Variants in KDM2A observed in about 807,000 individuals in gnomAD.
KDM2A encodes lysine demethylase 2A, also known as lysine-specific demethylase 2A.
Under a neutral mutation model 137.3 loss-of-function variants are expected in KDM2A, and 3 were observed. The observed-to-expected ratio is 0.02, with a 90% CI of 0.01 to 0.06. The LOEUF (loss-of-function observed/expected upper bound fraction) is 0.06. Among genes scored for constraint, KDM2A ranks in the 10% least tolerant of loss-of-function variants. The probability of loss-of-function intolerance (pLI) is 1.00; values close to 1 mark genes in which losing one functional copy is unlikely to be tolerated. For missense variants in KDM2A, 738 were observed against 1,510.6 expected, an observed-to-expected ratio of 0.49 and a Z score of 8.48; for synonymous variants, 512 against 541.5, an observed-to-expected ratio of 0.95 and a Z score of 0.76.
intron 5 of KDM2A, among the ~76,000 whole-genome samples, chr11:67,205,615 A>G (rs1056718833): frequency 6.6e-6 from 1 of 151,154 alleles, no homozygotes; most frequent in African/African-American, 2.4e-5. Flanking sequence ...TTGTATTTGT[A>G]TTTTTTTGTT....
At chr11:67,159,603 C>T (rs1856592187) in intron 2 of KDM2A, among the ~76,000 whole-genome samples, 1 of 152,106 alleles carries the variant, frequency 6.6e-6, no homozygotes, top group South Asian at 2.1e-4. Flanking sequence ...GCAGATTTTC[C>T]CATTGTAATG....
At chr11:67,160,726 G>A (rs1039625393) in intron 2 of KDM2A, among the ~76,000 whole-genome samples, 26 of 152,084 alleles carry the variant, frequency 1.7e-4, no homozygotes, top group Non-Finnish European at 1.5e-5. Flanking sequence ...AGCCAAGATA[G>A]TGCCATTGCA....
In KDM2A at chr11:67,229,943, G is replaced by A. The variant is rs188978015; in HGVS notation, c.1085-1623G>A. Among the ~76,000 whole-genome samples, 49 of 151,998 alleles carry A rather than the reference G, an allele frequency of 3.2e-4. No individual in the cohort carries two copies. The East Asian group carries it at 5.8e-3, about 18-fold the overall frequency. ...TGTAATCCCAGCACTTTGGGAGGCC[G>A]AGGAGGGCCAATCACGAGGTCAGGA... is the stretch of plus-strand genomic sequence containing the variant. On this transcript the variant is annotated intron_variant, in intron 11 of 20. Coordinates refer to ENST00000529006, the MANE Select transcript of KDM2A (RefSeq NM_012308.3).
chr11:67,181,553 G>A, intron 4 of KDM2A, among the ~76,000 whole-genome samples, 155 bp downstream of exon 4: 1 of 150,492 alleles, frequency 6.6e-6, no homozygotes. Flanking sequence ...TGATACACAA[G>A]TGTTTCATAT....
At chr11:67,220,101 C>T (rs899392065) in intron 10 of KDM2A, among the ~76,000 whole-genome samples, 1 of 151,996 alleles carries the variant, frequency 6.6e-6, no homozygotes, top group Non-Finnish European at 1.5e-5. Context: ...GCCTCAACCT[C>T]CCTGGGCTCA....
intron 2 of KDM2A, among the ~76,000 whole-genome samples, chr11:67,124,528 G>T (rs1163596926): frequency 6.7e-6 from 1 of 150,192 alleles, no homozygotes; most frequent in Non-Finnish European, 1.5e-5. Flanking sequence ...TGGCAGGCTG[G>T]TGTCGAACTC....
chr11:67,131,305 C>G (rs2136283767), intron 2 of KDM2A, among the ~76,000 whole-genome samples: 1 of 151,834 alleles, frequency 6.6e-6, no homozygotes, highest in South Asian at 2.1e-4. Context: ...GCCTGGGTGA[C>G]AAGAGCGAAA....
intron 11 of KDM2A, among the ~76,000 whole-genome samples, chr11:67,230,790 TATAAA>T (rs1330507476): frequency 2.6e-5 from 4 of 152,324 alleles, no homozygotes; most frequent in African/African-American, 7.2e-5. Context: ...TTTTCTAAAT[TATAAA>T]AGAAAAGACT....
chr11:67,211,007 A>C (rs1857960821), intron 6 of KDM2A, among the ~76,000 whole-genome samples: 1 of 152,210 alleles, frequency 6.6e-6, no homozygotes, highest in East Asian at 1.9e-4. Context: ...CAGTGAGCTG[A>C]GATGGTGCCA....
chr11:67,140,855 A>G (rs550093509), intron 2 of KDM2A, among the ~76,000 whole-genome samples: 153 of 152,282 alleles, frequency 1.0e-3, no homozygotes, highest in African/African-American at 3.5e-3. Context: ...CTACTTTATG[A>G]AGAACCTTAC....
chr11:67,236,370 T>C (rs538791603), intron 12 of KDM2A, among the ~76,000 whole-genome samples: 1 of 152,324 alleles, frequency 6.6e-6, no homozygotes, highest in East Asian at 1.9e-4. Flanking sequence ...CCTCAAGTGA[T>C]CTGCCTGTCT....
intron 2 of KDM2A, among the ~76,000 whole-genome samples, chr11:67,145,542 G>T (rs568700591): frequency 6.6e-6 from 1 of 150,884 alleles, no homozygotes; most frequent in African/African-American, 2.4e-5. Flanking sequence ...GAATATGGTA[G>T]CACCCCATTT....
At chr11:67,243,126 T>G in intron 13 of KDM2A, 34 bp downstream of exon 13, 3 of 1,493,758 alleles carry the variant, frequency 2.0e-6, no homozygotes, top group Non-Finnish European at 2.8e-6. Flanking sequence ...TTTAGGCTGC[T>G]TAAGCCTTTT....
chr11:67,156,882 ACTCT>A (rs1375553739), intron 2 of KDM2A, among the ~76,000 whole-genome samples: 2 of 149,052 alleles, frequency 1.3e-5, no homozygotes, highest in East Asian at 4.1e-4. Context: ...ACAGGGTGAG[ACTCT>A]CTCAAAAAGA....
chr11:67,170,395 TTTTTC>T (rs1305854847), intron 2 of KDM2A, among the ~76,000 whole-genome samples: 1 of 149,684 alleles, frequency 6.7e-6, no homozygotes, highest in East Asian at 1.9e-4. Context: ...GGGTTTTTTT[TTTTTC>T]TTTCTTTCTT....
chr11:67,250,227 C>T lies in KDM2A; in HGVS notation c.2197C>T (p.Arg733Trp). Residue 733 changes from arginine (R) to tryptophan (W), a missense_variant, in exon 17 of 21, where the codon CGG (arginine) becomes TGG (tryptophan). Physicochemically the swap from Arg to Trp is moderately radical, Grantham distance 101. This residue lies in a region of KDM2A where 244 missense variants were observed against 324.6 expected (regional missense o/e 0.75). Coordinates refer to ENST00000529006, the MANE Select transcript of KDM2A (RefSeq NM_012308.3). The surrounding 1 kb of genome is among the most constrained non-coding windows in gnomAD (Gnocchi z 7.1). ...LQLIHDPVSP[R>W]GMVTRSSPGA... is the part of the protein sequence containing the mutation. ...GCTCATCCATGACCCGGTTTCCCCC[C>T]GGGGTATGGTGACTCGGTCATCCCC... The T allele has an allele frequency of 5.6e-6, 9 of 1,613,898 alleles. No individual in the cohort carries two copies. The highest frequency in any genetic ancestry group is 7.6e-6 in the Non-Finnish European group (9 of 1,179,862).
intron 2 of KDM2A, among the ~76,000 whole-genome samples, chr11:67,172,491 T>C (rs988337517): frequency 1.3e-5 from 2 of 152,206 alleles, no homozygotes; most frequent in African/African-American, 4.8e-5. Context: ...AGTCTTGTAC[T>C]TATCTTGTTA....
At chr11:67,189,057 C>T (rs1173381120) in intron 5 of KDM2A, among the ~76,000 whole-genome samples, 1 of 152,070 alleles carries the variant, frequency 6.6e-6, no homozygotes, top group Non-Finnish European at 1.5e-5. Flanking sequence ...ACACAGTAAA[C>T]CAACTAGATC....
chr11:67,240,090 C>T (rs1858982545), intron 12 of KDM2A: 3 of 1,378,060 alleles, frequency 2.2e-6, no homozygotes, highest in Middle Eastern at 2.7e-4. Flanking sequence ...GACGCAGCAG[C>T]ATTGTTCGCA....
Sources: allele counts gnomAD v4.1 joint callset (sites outside exome capture counted in the v4.1 genomes callset), GRCh38; gene constraint gnomAD v4.1.1; regional missense constraint gnomAD v4.1.1; non-coding constraint Gnocchi (gnomAD v3.1); transcripts MANE v1.5; gene names NCBI Gene and HGNC (gene_info 2026-07-23, HGNC 2026-07-21).